Variants in TTBK2 observed in about 807,000 individuals in gnomAD.
TTBK2 encodes tau-tubulin kinase 2.
Under a neutral mutation model 110.8 loss-of-function variants are expected in TTBK2, and 28 were observed. The ratio of observed to expected loss-of-function variants is 0.25; its 90% confidence interval spans 0.19 to 0.35. The LOEUF (loss-of-function observed/expected upper bound fraction) is 0.35, where lower values mean the gene tolerates loss of function less well. Ranked by LOEUF, TTBK2 falls within the 10% of genes least tolerant of loss-of-function variation. The pLI is 1.00. For synonymous variants in TTBK2, 532 were observed against 527.3 expected, an observed-to-expected ratio of 1.01 and a Z score of -0.12; for missense variants, 1,369 against 1,500.3, an observed-to-expected ratio of 0.91 and a Z score of 1.45.
rs568896468 is a variant in TTBK2 at position 42,865,528 on chromosome 15, A to C, written c.217+7083T>G. On this transcript the variant is annotated intron_variant, in intron 3 of 14. Transcript: ENST00000267890. ...ATAATAATACTAAAAAAAAAAAAAA[A>C]ACCAACAACAGGCTGGGCACAGTCG... is the stretch of plus-strand genomic sequence containing the variant. 1.3e-3 allele frequency among the ~76,000 whole-genome samples: 196 copies of C among 151,692 alleles called. 2 individuals carry two copies. Among genetic ancestry groups the C allele is most frequent in the African/African-American group, 4.6e-3 (192 of 41,374 alleles).
intron 3 of TTBK2, among the ~76,000 whole-genome samples, chr15:42,847,988 A>G (rs990959838): frequency 5.3e-5 from 8 of 152,186 alleles, no homozygotes; most frequent in Non-Finnish European, 1.2e-4. Context: ...GGGGGACTAC[A>G]GACATGTACA....
chr15:42,749,473 T>C (rs1347248231), intron 14 of TTBK2, among the ~76,000 whole-genome samples: 1 of 152,208 alleles, frequency 6.6e-6, no homozygotes, highest in Non-Finnish European at 1.5e-5. Flanking sequence ...CCCGGCCCCA[T>C]GGCAGGCAGC....
chr15:42,894,566 A>G (rs1895592441), intron 1 of TTBK2, among the ~76,000 whole-genome samples: 1 of 152,092 alleles, frequency 6.6e-6, no homozygotes, highest in South Asian at 2.1e-4. Context: ...AGCCTAGGCA[A>G]CATGGTGAAA....
At position 42,783,497 on chromosome 15, in the gene TTBK2, T is replaced by G; in HGVS notation, c.1119A>C (p.Gly373=). The stretch of plus-strand genomic sequence containing the variant: ...CATCCTTCTCCTGGGGACGGGGGTG[T>G]CCCAGAGATCCAGGCAATTTATCTG... ...VSPDKLPGSL[G]HPRPQEKDVW... Residue 373 remains glycine (G), a synonymous_variant, in exon 11 of 15, where the codon GGA becomes GGC. Transcript: ENST00000267890. The G allele has an allele frequency of 6.2e-7, 1 of 1,614,168 alleles. No homozygotes were observed. Among genetic ancestry groups the G allele is most frequent in the Non-Finnish European group, 8.5e-7 (1 of 1,180,046 alleles).
At chr15:42,907,425 C>T (rs948461609) in intron 1 of TTBK2, among the ~76,000 whole-genome samples, 6 of 152,130 alleles carry the variant, frequency 3.9e-5, no homozygotes, top group Non-Finnish European at 7.4e-5. Flanking sequence ...TGGAATCAAC[C>T]TAAGTGTCTA....
At chr15:42,870,047 A>AC (rs1894552034) in intron 3 of TTBK2, among the ~76,000 whole-genome samples, 1 of 151,920 alleles carries the variant, frequency 6.6e-6, no homozygotes, top group Non-Finnish European at 1.5e-5. Context: ...GGTGGCACCC[A>AC]CCCGTAGTCC....
In TTBK2 at chr15:42,742,180, C is replaced by T. The variant is rs192110642; in HGVS notation, c.*3615G>A. On this transcript the variant is annotated 3_prime_UTR_variant, in exon 15 of 15. Transcript: ENST00000267890. ...GTATTTGAAAGCAAATAATATAAAG[C>T]GAGTAATGTCTACAGTGGGTCTCAG... The T allele has an allele frequency of 4.6e-5, 7 of 152,262 alleles. No individual in the cohort carries two copies. Among genetic ancestry groups the T allele is most frequent in the East Asian group, 1.9e-4 (1 of 5,182 alleles). The allele number at this position is 152,262 out of a possible 1,614,324, so 9.4% of individuals were successfully genotyped here. A position where few individuals can be genotyped will look rare whatever the true frequency, so the allele number is the denominator to read the frequency against.
chr15:42,770,674 G>A (rs950749470), intron 13 of TTBK2, among the ~76,000 whole-genome samples: 2 of 152,142 alleles, frequency 1.3e-5, no homozygotes, highest in East Asian at 1.9e-4. Context: ...ATCAAAAATA[G>A]GAATTCATGG....
chr15:42,782,865 T>C (rs1337339250), intron 11 of TTBK2, among the ~76,000 whole-genome samples: 1 of 152,184 alleles, frequency 6.6e-6, no homozygotes, highest in East Asian at 1.9e-4. Flanking sequence ...GGCTGACAAC[T>C]GAGAATGTCA....
chr15:42,896,220 C>T (rs1252415123), intron 1 of TTBK2, among the ~76,000 whole-genome samples: 4 of 151,750 alleles, frequency 2.6e-5, no homozygotes, highest in Non-Finnish European at 5.9e-5. Context: ...CCCAGCTACT[C>T]GGGAGGCTGA....
intron 11 of TTBK2, among the ~76,000 whole-genome samples, chr15:42,778,255 T>C (rs1261191372): frequency 6.9e-6 from 1 of 145,250 alleles, no homozygotes; most frequent in Non-Finnish European, 1.5e-5. Flanking sequence ...AACTTAATAT[T>C]TAATATTCAA....
chr15:42,763,606 G>C (rs577220649), intron 13 of TTBK2, among the ~76,000 whole-genome samples: 1 of 152,212 alleles, frequency 6.6e-6, no homozygotes, highest in African/African-American at 2.4e-5. Context: ...GTAGATGCTA[G>C]TTACACTGAT....
intron 10 of TTBK2, among the ~76,000 whole-genome samples, chr15:42,790,217 T>C (rs1455320915): frequency 6.6e-6 from 1 of 152,110 alleles, no homozygotes; most frequent in African/African-American, 2.4e-5. Context: ...GTCATAGTAT[T>C]TTATTATTAT....
intron 9 of TTBK2, among the ~76,000 whole-genome samples, chr15:42,805,937 A>G (rs921072938): frequency 6.6e-6 from 1 of 152,200 alleles, no homozygotes; most frequent in African/African-American, 2.4e-5. Context: ...TGACTAATGT[A>G]TTATATGATC....
In TTBK2 at chr15:42,753,081, G is replaced by A; in HGVS notation, c.2165C>T (p.Pro722Leu). Residue 722 changes from proline (P) to leucine (L), a missense_variant, in exon 14 of 15, where the codon CCT becomes CTT. By Grantham distance (98) the Pro-to-Leu change is moderately conservative. Around this residue, in one of 4 missense-constraint regions of TTBK2, gnomAD observed 1,097 missense variants for 1,114.7 expected, o/e 0.98. Transcript: ENST00000267890. ...SGLVVTEGEP[P>L]SGGSRTDLGL... The stretch of plus-strand genomic sequence containing the variant: ...CAAATCTGTTCTGCTTCCTCCACTA[G>A]GAGGTTCACCCTCTGTCACAACCAA... The A allele has an allele frequency of 1.2e-6, 2 of 1,608,340 alleles. No individual in the cohort carries two copies. The highest frequency in any genetic ancestry group is 1.7e-6 in the Non-Finnish European group (2 of 1,177,194).
chr15:42,821,138 A>C (rs1199034633), intron 6 of TTBK2, among the ~76,000 whole-genome samples: 1 of 152,242 alleles, frequency 6.6e-6, no homozygotes, highest in Non-Finnish European at 1.5e-5. Context: ...TAGAATGTAT[A>C]TCATGCTACC....
chr15:42,905,836 A>G (rs1354107803), intron 1 of TTBK2, among the ~76,000 whole-genome samples: 6 of 152,194 alleles, frequency 3.9e-5, no homozygotes, highest in Admixed American at 3.9e-4. Context: ...CTAAGCATTA[A>G]AAGTGCTAAG....
chr15:42,811,647 A>G, intron 8 of TTBK2, 41 bp downstream of exon 8: 1 of 1,546,726 alleles, frequency 6.5e-7, no homozygotes, highest in Non-Finnish European at 8.9e-7. Context: ...AGAAATTTTT[A>G]TTTCTTCTAC....
At chr15:42,774,172 TG>T (rs752362085) in intron 13 of TTBK2, among the ~76,000 whole-genome samples, 54 of 152,226 alleles carry the variant, frequency 3.5e-4, no homozygotes, top group Non-Finnish European at 3.8e-4. Flanking sequence ...TGTGGAATTG[TG>T]TTCTAATAGA....
Sources: allele counts gnomAD v4.1 joint callset (sites outside exome capture counted in the v4.1 genomes callset), GRCh38; gene constraint gnomAD v4.1.1; regional missense constraint gnomAD v4.1.1; transcripts MANE v1.5; gene names NCBI Gene and HGNC (gene_info 2026-07-23, HGNC 2026-07-21).